PARD3B: variants seen among roughly 807,000 people sequenced by gnomAD.
PARD3B encodes par-3 family cell polarity regulator beta.
A neutral mutation model predicts 130.2 loss-of-function variants in PARD3B; 103 were observed. The observed-to-expected ratio is 0.79, with a 90% CI of 0.67 to 0.93. The LOEUF is 0.93. Among genes scored for constraint, PARD3B ranks in the 40% least tolerant of loss-of-function variants. The pLI, the probability that PARD3B is intolerant of heterozygous loss-of-function variation, is 0.00. For synonymous variants in PARD3B, 583 were observed against 553.2 expected (o/e 1.05, Z -0.76); for missense variants, 1,609 against 1,499.2 (o/e 1.07, Z -1.21).
intron 1 of PARD3B, among the ~76,000 whole-genome samples, chr2:204,558,445 G>T (rs1371624287): frequency 6.6e-6 from 1 of 152,098 alleles, no homozygotes; most frequent in African/African-American, 2.4e-5. Flanking sequence ...ATTCACAATT[G>T]CTAAAAAGGG....
In PARD3B at chr2:205,618,892, T is replaced by A. The variant is rs533148157; in HGVS notation, c.*3079T>A. The A allele has an allele frequency of 4.6e-5, 7 of 152,318 alleles. 1 individual carries two copies. The South Asian group carries it at 1.5e-3, about 32-fold the overall frequency. 9.4% of individuals were successfully genotyped at this position (152,318 alleles called of 1,614,324 possible). ...AATACAAGCTCAGAAACAGGAACAT[T>A]TTCCTAAATCATAACCTAATAGCAA... On this transcript the variant is annotated 3_prime_UTR_variant, in exon 23 of 23. Coordinates refer to ENST00000406610, the MANE Select transcript of PARD3B (RefSeq NM_001302769.2).
intron 1 of PARD3B, among the ~76,000 whole-genome samples, chr2:204,572,278 A>G (rs2032045350): frequency 6.6e-6 from 1 of 152,140 alleles, no homozygotes; most frequent in African/African-American, 2.4e-5. Context: ...GGAGCCAGAG[A>G]CAAGAGGGGA....
chr2:205,056,005 G>T (rs976548575), intron 4 of PARD3B, among the ~76,000 whole-genome samples: 1 of 152,098 alleles, frequency 6.6e-6, no homozygotes, highest in Non-Finnish European at 1.5e-5. Context: ...AAAGTTAAGG[G>T]TATGGGTTGT....
intron 21 of PARD3B, among the ~76,000 whole-genome samples, chr2:205,546,318 A>C (rs2106474509): frequency 6.6e-6 from 1 of 152,302 alleles, no homozygotes; most frequent in East Asian, 1.9e-4. Context: ...GTAAGTTCTA[A>C]CGTTACACTG....
At chr2:204,549,398 T>C (rs1258916499) in intron 1 of PARD3B, among the ~76,000 whole-genome samples, 1 of 152,218 alleles carries the variant, frequency 6.6e-6, no homozygotes, top group African/African-American at 2.4e-5. Flanking sequence ...GAGTAATTAG[T>C]TAAATTTATC....
At chr2:204,662,875 C>T (rs896373335) in intron 1 of PARD3B, among the ~76,000 whole-genome samples, 3 of 152,108 alleles carry the variant, frequency 2.0e-5, no homozygotes, top group Non-Finnish European at 2.9e-5. Flanking sequence ...ATAGCTTTGA[C>T]CTTTTGGACT....
chr2:204,730,666 G>C (rs1304377280), intron 2 of PARD3B, among the ~76,000 whole-genome samples: 1 of 151,956 alleles, frequency 6.6e-6, no homozygotes, highest in Admixed American at 6.6e-5. Context: ...GCTCTCATCG[G>C]AGAATAAAGG....
rs753252550 is a variant in PARD3B at position 205,274,988 on chromosome 2, T to G, written c.2186-25542T>G. On this transcript the variant is annotated intron_variant, in intron 16 of 22. Transcript: ENST00000406610. This position sits in a 1 kb window ranked among gnomAD's most constrained non-coding sequence, Gnocchi z 4.2. Reference sequence around the variant, plus strand: ...AAGTGGTCTGTGGCTTCAAAGGGCTTTTATTTGCTTTACTTGCTTCTAGGT... The same window carrying G: ...AAGTGGTCTGTGGCTTCAAAGGGCTGTTATTTGCTTTACTTGCTTCTAGGT... Among the ~76,000 whole-genome samples the G allele has an allele frequency of 4.6e-5, 7 of 152,140 alleles. No individual in the cohort carries two copies. Among genetic ancestry groups the G allele is most frequent in the Non-Finnish European group, 7.4e-5 (5 of 67,984 alleles).
chr2:205,023,340 G>T (rs967613651), intron 3 of PARD3B, among the ~76,000 whole-genome samples: 2 of 151,920 alleles, frequency 1.3e-5, no homozygotes, highest in African/African-American at 4.8e-5. Context: ...ATGCTGCTTA[G>T]ACAGGTCCCC....
At chr2:205,002,908 T>C (rs1694960129) in intron 3 of PARD3B, among the ~76,000 whole-genome samples, 1 of 152,196 alleles carries the variant, frequency 6.6e-6, no homozygotes, top group Non-Finnish European at 1.5e-5. Flanking sequence ...ACTCCTCCCA[T>C]GTGCTGGGTG....
intron 2 of PARD3B, among the ~76,000 whole-genome samples, chr2:204,859,060 G>A (rs1336455539): frequency 6.6e-6 from 1 of 151,802 alleles, no homozygotes; most frequent in Non-Finnish European, 1.5e-5. Context: ...AATCTTAGAT[G>A]TGAATACTTT....
At chr2:204,614,371 T>C (rs754240869) in intron 1 of PARD3B, among the ~76,000 whole-genome samples, 3 of 152,162 alleles carry the variant, frequency 2.0e-5, no homozygotes, top group Non-Finnish European at 2.9e-5. Flanking sequence ...TATATCTCAA[T>C]TCAGACTAAT....
chr2:205,444,748 T>C (rs186965703), intron 20 of PARD3B, among the ~76,000 whole-genome samples: 25 of 152,204 alleles, frequency 1.6e-4, no homozygotes, highest in Admixed American at 3.3e-4. Context: ...GAGAGTGGCA[T>C]TGGAGACAGG....
chr2:205,308,462 C>T (rs1470826133), intron 18 of PARD3B, among the ~76,000 whole-genome samples: 2 of 151,968 alleles, frequency 1.3e-5, no homozygotes, highest in Non-Finnish European at 2.9e-5. Context: ...AAAAAATTAG[C>T]CATGCGTGGT....
intron 2 of PARD3B, among the ~76,000 whole-genome samples, chr2:204,711,932 G>A (rs897149984): frequency 6.6e-6 from 1 of 152,180 alleles, no homozygotes; most frequent in Non-Finnish European, 1.5e-5. Context: ...GTTGGAAATG[G>A]AAGAATTGGG....
chr2:204,714,719 A>T (rs1005380357), intron 2 of PARD3B, among the ~76,000 whole-genome samples: 7 of 152,246 alleles, frequency 4.6e-5, no homozygotes, highest in African/African-American at 1.7e-4. Flanking sequence ...ATATCAAATC[A>T]TATGAAATTA....
In PARD3B at chr2:205,208,817, GC is replaced by G. The variant is rs1019950750; in HGVS notation, c.2140+15499del. On this transcript the variant is annotated intron_variant, in intron 15 of 22. Coordinates refer to ENST00000406610, the MANE Select transcript of PARD3B (RefSeq NM_001302769.2). ...GCCCAGGGTAATTTACAGATTCAATGCCATCCCCATCAAGCTACCAAAGCCT... is the reference window on the plus strand; with the variant it reads ...GCCCAGGGTAATTTACAGATTCAATGCATCCCCATCAAGCTACCAAAGCCT... Among the ~76,000 whole-genome samples the G allele has an allele frequency of 9.7e-5, 14 of 144,366 alleles. 1 individual carries two copies. Among genetic ancestry groups the G allele is most frequent in the African/African-American group, 3.8e-4 (14 of 36,988 alleles). 94.7% of individuals were successfully genotyped at this position (144,366 alleles called of 152,430 possible).
At chr2:204,999,229 A>T (rs13431736) in intron 3 of PARD3B, among the ~76,000 whole-genome samples, 11 of 151,946 alleles carry the variant, frequency 7.2e-5, no homozygotes, top group Non-Finnish European at 1.6e-4. Context: ...CCTATAATTC[A>T]TTATCGTTGT....
At chr2:204,764,712 A>ATGTGTG (rs1387737555) in intron 2 of PARD3B, among the ~76,000 whole-genome samples, 17 of 43,000 alleles carry the variant, frequency 4.0e-4, no homozygotes, top group African/African-American at 1.0e-3. Context: ...TCTGGCATGC[A>ATGTGTG]TGCGTGTGTG....
Sources: allele counts gnomAD v4.1 joint callset (sites outside exome capture counted in the v4.1 genomes callset), GRCh38; gene constraint gnomAD v4.1.1; non-coding constraint Gnocchi (gnomAD v3.1); transcripts MANE v1.5; gene names NCBI Gene and HGNC (gene_info 2026-07-23, HGNC 2026-07-21).